SDAD1: variants seen among roughly 807,000 people sequenced by gnomAD.
The protein encoded by SDAD1 is protein SDA1 homolog.
Under a neutral mutation model 100.3 loss-of-function variants are expected in SDAD1, and 79 were observed. The observed-to-expected ratio is 0.79, with a 90% CI of 0.66 to 0.95. SDAD1 has a LOEUF of 0.95. Ranked by LOEUF, SDAD1 falls within the 40% of genes least tolerant of loss-of-function variation. SDAD1 has a pLI of 0.00. For missense variants in SDAD1, 790 were observed against 810.9 expected (o/e 0.97, Z 0.31); for synonymous variants, 267 against 271.4 (o/e 0.98, Z 0.16).
chr4:75,969,826 C>T (rs1729763675), intron 10 of SDAD1, among the ~76,000 whole-genome samples: 1 of 152,108 alleles, frequency 6.6e-6, no homozygotes, highest in Admixed American at 6.6e-5. Flanking sequence ...CCCCAACGCC[C>T]AGCTACACCC....
Position 75,971,398 on chromosome 4 carries a change from T to G in SDAD1, c.772A>C (p.Lys258Gln), listed in dbSNP as rs15481. ...VQYATGKKSS[K>Q]NKKKLEKAMK... ...GCCTTTTCCAACTTTTTCTTGTTTT[T>G]GGAACTTTTCTTCCCTGTAGCATAT... Residue 258 changes from lysine (K) to glutamine (Q), a missense_variant, in exon 9 of 22, where the codon AAA becomes CAA. By Grantham distance (53) the Lys-to-Gln change is moderately conservative. Coordinates refer to ENST00000356260, the MANE Select transcript of SDAD1 (RefSeq NM_018115.4). 2 of 1,614,150 alleles carry G rather than the reference T, an allele frequency of 1.2e-6. No homozygotes were observed. Among genetic ancestry groups the G allele is most frequent in the Admixed American group, 3.3e-5 (2 of 60,026 alleles).
chr4:75,985,408 T>C (rs1329754338), intron 1 of SDAD1, among the ~76,000 whole-genome samples: 2 of 152,164 alleles, frequency 1.3e-5, no homozygotes, highest in Non-Finnish European at 2.9e-5. Flanking sequence ...TCCTCCTTTT[T>C]CATCAATGCT....
intron 21 of SDAD1, among the ~76,000 whole-genome samples, chr4:75,954,238 C>G (rs543925722): frequency 5.7e-4 from 86 of 152,166 alleles, no homozygotes; most frequent in African/African-American, 1.9e-3. Flanking sequence ...AAAAATTAGC[C>G]AGGCGTGGTG....
At chr4:75,980,394 A>G (rs1730427753) in intron 3 of SDAD1, among the ~76,000 whole-genome samples, 1 of 152,240 alleles carries the variant, frequency 6.6e-6, no homozygotes, top group East Asian at 1.9e-4. Context: ...ATTCATCTAA[A>G]GACTTGGCAT....
At chr4:75,967,230 A>G in intron 12 of SDAD1, 47 bp downstream of exon 12, 1 of 1,560,450 alleles carries the variant, frequency 6.4e-7, no homozygotes, top group Non-Finnish European at 8.8e-7. Context: ...TTGCATGTTT[A>G]TTCTATTACC....
chr4:75,987,769 T>C (rs1157689071), intron 1 of SDAD1, among the ~76,000 whole-genome samples: 2 of 152,210 alleles, frequency 1.3e-5, no homozygotes, highest in Non-Finnish European at 1.5e-5. Context: ...CCCAAAGTGC[T>C]GAGACTACAG....
intron 13 of SDAD1, among the ~76,000 whole-genome samples, chr4:75,964,782 C>T (rs1729446819): frequency 6.6e-6 from 1 of 152,162 alleles, no homozygotes; most frequent in African/African-American, 2.4e-5. Context: ...TTATGCCTGT[C>T]TTTGCTGCAA....
chr4:75,983,719 T>G (rs1730692967), intron 1 of SDAD1, among the ~76,000 whole-genome samples: 1 of 152,176 alleles, frequency 6.6e-6, no homozygotes, highest in South Asian at 2.1e-4. Context: ...TTGCAAAAAT[T>G]TTCTCCCATT....
Position 75,977,638 on chromosome 4 carries a change from C to T in SDAD1, c.405+8G>A. On this transcript the variant is annotated splice_region_variant and intron_variant, in intron 4 of 21. Coordinates refer to ENST00000356260, the MANE Select transcript of SDAD1 (RefSeq NM_018115.4). ...AAGATGCAGGGAAATATTTGTTTTGCCCTTTACCTTTCGCAGAAGTTTATC... is the reference window on the plus strand; with the variant it reads ...AAGATGCAGGGAAATATTTGTTTTGTCCTTTACCTTTCGCAGAAGTTTATC... 5 of 1,555,338 alleles carry T rather than the reference C, an allele frequency of 3.2e-6. No individual in the cohort carries two copies. The highest frequency in any genetic ancestry group is 4.4e-6 in the Non-Finnish European group (5 of 1,128,266).
At chr4:75,988,993 T>C (rs1009529853) in intron 1 of SDAD1, among the ~76,000 whole-genome samples, 1 of 152,166 alleles carries the variant, frequency 6.6e-6, no homozygotes, top group African/African-American at 2.4e-5. Flanking sequence ...CCATTCCACA[T>C]GTAACTTCCA....
Position 75,971,364 on chromosome 4 carries a change from A to G in SDAD1, c.806T>C (p.Val269Ala). ...NKKKLEKAMK[V>A]LKKQKKKKKP... The stretch of plus-strand genomic sequence containing the variant: ...TCCAGATACAAGTCCCACCTTGAGC[A>G]CTTTCATTGCCTTTTCCAACTTTTT... The change falls in exon 9 of 22, where the codon GTG becomes GCG. Residue 269 changes from valine (V) to alanine (A), a missense_variant. By Grantham distance (64) the Val-to-Ala change is moderately conservative (BLOSUM62 0). Transcript: ENST00000356260. The G allele has an allele frequency of 1.9e-5, 31 of 1,610,984 alleles. No homozygotes were observed. Among genetic ancestry groups the G allele is most frequent in the Non-Finnish European group, 2.5e-5 (30 of 1,177,336 alleles).
intron 4 of SDAD1, among the ~76,000 whole-genome samples, chr4:75,976,944 T>C (rs890315835): frequency 6.6e-6 from 1 of 152,156 alleles, no homozygotes; most frequent in African/African-American, 2.4e-5. Flanking sequence ...AATGTAAACT[T>C]AAATTTTTCT....
At position 75,969,331 on chromosome 4, in the gene SDAD1, T is replaced by C. The variant is rs975094562; in HGVS notation, c.952A>G (p.Met318Val). The change falls in exon 11 of 22, where the codon ATG becomes GTG. Residue 318 changes from methionine to valine, a missense_variant. Met to Val is a conservative substitution (Grantham distance 21, BLOSUM62 1). Coordinates refer to ENST00000356260, the MANE Select transcript of SDAD1 (RefSeq NM_018115.4). The stretch of plus-strand genomic sequence containing the variant: ...CCCACCAATCTGGAGATAAGGTTCA[T>C]GAGCATCATCTTCACTTCAAACCTC... Reference protein sequence around the residue: ...KERFEVKMMLMNLISRLVGIH... With the variant: ...KERFEVKMMLVNLISRLVGIH... 1 of 1,613,882 alleles carries C rather than the reference T, an allele frequency of 6.2e-7. No individual in the cohort carries two copies. Among genetic ancestry groups the C allele is most frequent in the African/African-American group, 1.3e-5 (1 of 75,056 alleles).
At chr4:75,963,674 G>A (rs939051484) in intron 14 of SDAD1, among the ~76,000 whole-genome samples, 5 of 152,098 alleles carry the variant, frequency 3.3e-5, no homozygotes, top group African/African-American at 1.2e-4. Context: ...AAAAAAGTGA[G>A]TTTGGCCCTC....
intron 21 of SDAD1, among the ~76,000 whole-genome samples, chr4:75,953,056 A>G (rs1290482978): frequency 1.3e-5 from 2 of 152,210 alleles, no homozygotes; most frequent in African/African-American, 4.8e-5. Context: ...TAATGAAGAG[A>G]TCTTGAAGAA....
chr4:75,990,280 C>A (rs899998456), intron 1 of SDAD1, among the ~76,000 whole-genome samples: 16 of 149,674 alleles, frequency 1.1e-4, no homozygotes, highest in Non-Finnish European at 2.1e-4. Flanking sequence ...AGAAACCCCC[C>A]CCCCCCCTTT....
In SDAD1 at chr4:75,990,773, G is replaced by A. The variant is rs779467925; in HGVS notation, c.69C>T (p.Asp23=). The A allele has an allele frequency of 3.1e-6, 5 of 1,614,134 alleles. No homozygotes were observed. Among genetic ancestry groups the A allele is most frequent in the Non-Finnish European group, 1.7e-6 (2 of 1,180,028 alleles). The part of the protein sequence containing the change: ...LPQLQNLIKR[D]PPAYIEEFLQ... ...CCACCTCCTCGATGTAGGCCGGCGG[G>A]TCTCGCTTGATTAGATTCTGTAACT... The change falls in exon 1 of 22, where the codon GAC becomes GAT. Residue 23 remains aspartate (D), a synonymous_variant. Transcript: ENST00000356260.
At position 75,961,391 on chromosome 4, in the gene SDAD1, T is replaced by G. The variant is rs1401417838; in HGVS notation, c.1182-83A>C. 2.9e-5 allele frequency: 30 copies of G among 1,030,662 alleles called. No homozygotes were observed. In the Admixed American group the frequency reaches 6.2e-4, roughly 21 times the overall value. 63.8% of individuals were successfully genotyped at this position (1,030,662 alleles called of 1,614,324 possible). A position where few individuals can be genotyped will look rare whatever the true frequency, so the allele number is the denominator to read the frequency against. Reference sequence around the variant, plus strand: ...ACACAGGAAGACTTCCTAAAAAGATTAACTCAAAAGGAAAACACGTTGAGT... The same window carrying G: ...ACACAGGAAGACTTCCTAAAAAGATGAACTCAAAAGGAAAACACGTTGAGT... On this transcript the variant is annotated intron_variant, in intron 14 of 21. Coordinates refer to ENST00000356260, the MANE Select transcript of SDAD1 (RefSeq NM_018115.4).
intron 8 of SDAD1, 21 bp from the exon 9 acceptor site, chr4:75,971,479 T>G (rs767756146): frequency 1.3e-6 from 2 of 1,549,738 alleles, no homozygotes; most frequent in African/African-American, 2.7e-5. Context: ...AATTACTTTG[T>G]AAAATTGTAA....
Sources: allele counts gnomAD v4.1 joint callset (sites outside exome capture counted in the v4.1 genomes callset), GRCh38; gene constraint gnomAD v4.1.1; transcripts MANE v1.5; gene names NCBI Gene and HGNC (gene_info 2026-07-23, HGNC 2026-07-21).